PXN: variants seen among roughly 807,000 people sequenced by gnomAD.
The protein encoded by PXN is testicular tissue protein Li 134.
Under a neutral mutation model 103.6 loss-of-function variants are expected in PXN, and 61 were observed. The ratio of observed to expected loss-of-function variants is 0.59; its 90% confidence interval spans 0.48 to 0.73. PXN has a LOEUF of 0.73. PXN is among the 30% of genes least tolerant of loss of function. PXN has a pLI of 0.00. For missense variants in PXN, 1,274 were observed against 1,460.3 expected (o/e 0.87, Z 2.08); for synonymous variants, 562 against 607.8 (o/e 0.92, Z 1.11).
intron 1 of PXN, among the ~76,000 whole-genome samples, chr12:120,233,196 C>T (rs979134771): frequency 6.6e-6 from 1 of 152,180 alleles, no homozygotes; most frequent in African/African-American, 2.4e-5. Flanking sequence ...GGCACCCAGC[C>T]TTTTTGGGGC....
chr12:120,245,234 G>A (rs966598103), intron 1 of PXN, among the ~76,000 whole-genome samples: 4 of 152,086 alleles, frequency 2.6e-5, no homozygotes, highest in Admixed American at 1.3e-4. Context: ...GTGCACCACC[G>A]GAATGTGTCA....
At position 120,215,499 on chromosome 12, in the gene PXN, G is replaced by A; in HGVS notation, c.2403+61C>T. The A allele has an allele frequency of 7.9e-6, 12 of 1,518,172 alleles. No homozygotes were observed. In the South Asian group the frequency reaches 1.4e-4, roughly 18 times the overall value. The allele number at this position is 1,518,172 out of a possible 1,614,324, so 94.0% of individuals were successfully genotyped here. The stretch of plus-strand genomic sequence containing the variant: ...CGGAAAGGCTGAGGGCACCCAGCAG[G>A]CATGGCCAAGCCCAGGGAGAGCACG... On this transcript the variant is annotated intron_variant, in intron 10 of 14. Transcript: ENST00000637617. This position sits in a 1 kb window ranked among gnomAD's most constrained non-coding sequence, Gnocchi z 4.9.
chr12:120,263,362 C>T (rs545231023), intron 1 of PXN, among the ~76,000 whole-genome samples: 6 of 152,290 alleles, frequency 3.9e-5, no homozygotes, highest in Non-Finnish European at 8.8e-5. Context: ...CCAAGGAAGT[C>T]GGGCAGCCCG....
intron 1 of PXN, among the ~76,000 whole-genome samples, chr12:120,245,787 C>CAA (rs1267541953): frequency 3.1e-4 from 14 of 45,056 alleles, no homozygotes; most frequent in African/African-American, 5.1e-4. Flanking sequence ...GACTCCATCT[C>CAA]AAAAAAAAAA....
In PXN at chr12:120,224,443, C is replaced by T; in HGVS notation, c.14-66G>A. Reference sequence around the variant, plus strand: ...CCTGGGGACTCTCCCGTGGCAGGGCCCTCCCTGCCTGCACCTCAAGAGTTA... The same window carrying T: ...CCTGGGGACTCTCCCGTGGCAGGGCTCTCCCTGCCTGCACCTCAAGAGTTA... On this transcript the variant is annotated intron_variant, in intron 1 of 14. Transcript: ENST00000637617. This position sits in a 1 kb window ranked among gnomAD's most constrained non-coding sequence, Gnocchi z 5.0. 8.8e-7 allele frequency: 1 copy of T among 1,134,520 alleles called. No homozygotes were observed. The highest frequency in any genetic ancestry group is 1.3e-6 in the Non-Finnish European group (1 of 745,812). The allele number at this position is 1,134,520 out of a possible 1,614,324, so 70.3% of individuals were successfully genotyped here. A position where few individuals can be genotyped will look rare whatever the true frequency, so the allele number is the denominator to read the frequency against.
rs565190907 is a variant in PXN at position 120,258,065 on chromosome 12, C to T, written c.13+7552G>A. Reference sequence around the variant, plus strand: ...AAAATTAGTCAGGCGTGATGACGCACGCCCATAATCCTAGCTACTGCGGAG... The same window carrying T: ...AAAATTAGTCAGGCGTGATGACGCATGCCCATAATCCTAGCTACTGCGGAG... On this transcript the variant is annotated intron_variant, in intron 1 of 14. Coordinates refer to ENST00000637617, the MANE Select transcript of PXN (RefSeq NM_001385981.1). Among the ~76,000 whole-genome samples, 20 of 152,172 alleles carry T rather than the reference C, an allele frequency of 1.3e-4. No individual in the cohort carries two copies. In the South Asian group the frequency reaches 3.1e-3, roughly 24 times the overall value.
Position 120,215,479 on chromosome 12 carries a change from A to G in PXN, c.2403+81T>C, listed in dbSNP as rs1882506067. On this transcript the variant is annotated intron_variant, in intron 10 of 14. Coordinates refer to ENST00000637617, the MANE Select transcript of PXN (RefSeq NM_001385981.1). This position sits in a 1 kb window ranked among gnomAD's most constrained non-coding sequence, Gnocchi z 4.9. Reference sequence around the variant, plus strand: ...TCGGAGGGGCCCACCAGGGTCGGAAAGGCTGAGGGCACCCAGCAGGCATGG... The same window carrying G: ...TCGGAGGGGCCCACCAGGGTCGGAAGGGCTGAGGGCACCCAGCAGGCATGG... The G allele has an allele frequency of 3.3e-6, 5 of 1,499,268 alleles. No homozygotes were observed. The highest frequency in any genetic ancestry group is 4.4e-6 in the Non-Finnish European group (5 of 1,128,536). 92.9% of individuals were successfully genotyped at this position (1,499,268 alleles called of 1,614,324 possible).
intron 1 of PXN, among the ~76,000 whole-genome samples, chr12:120,252,349 A>C (rs1347430239): frequency 2.0e-5 from 3 of 152,164 alleles, no homozygotes. Context: ...AAGAAAGCCT[A>C]ATTTACACAG....
intron 1 of PXN, among the ~76,000 whole-genome samples, chr12:120,239,014 T>C (rs1889656956): frequency 1.3e-5 from 2 of 152,324 alleles, no homozygotes; most frequent in East Asian, 3.9e-4. Flanking sequence ...GGAACCAAAC[T>C]GTCGGGTGGG....
At chr12:120,223,986 TTGGTCAC>T (rs775276592) in intron 2 of PXN, among the ~76,000 whole-genome samples, 153 bp from the exon 3 acceptor site, 7 of 152,164 alleles carry the variant, frequency 4.6e-5, no homozygotes, top group Non-Finnish European at 8.8e-5. Context: ...GATTAACCAC[TTGGTCAC>T]TGTTCCACTC....
At chr12:120,247,884 A>G (rs1181980430) in intron 1 of PXN, 2 of 152,272 alleles carry the variant, frequency 1.3e-5, no homozygotes, top group Non-Finnish European at 2.9e-5. Context: ...CAGGCAAGGC[A>G]GACTTCCAGA....
In PXN at chr12:120,216,525, A is replaced by G. The variant is rs1883072145; in HGVS notation, c.2049T>C (p.Ala683=). 1 of 1,403,650 alleles carries G rather than the reference A, an allele frequency of 7.1e-7. No homozygotes were observed. Among genetic ancestry groups the G allele is most frequent in the South Asian group, 1.6e-5 (1 of 63,604 alleles). The allele number at this position is 1,403,650 out of a possible 1,614,324, so 86.9% of individuals were successfully genotyped here. ...IPLRRTISVL[A]SPSVPLLQHR... ...GCTGGAGCAAAGGGACAGAAGGAGA[A>G]GCCAGGACAGAGATGGTTCTTCTCA... Residue 683 remains alanine (A), a synonymous_variant, in exon 9 of 15, where the codon GCT becomes GCC. Coordinates refer to ENST00000637617, the MANE Select transcript of PXN (RefSeq NM_001385981.1). This position sits in a 1 kb window ranked among gnomAD's most constrained non-coding sequence, Gnocchi z 5.1.
At chr12:120,249,774 A>G in intron 1 of PXN, 1 of 841,942 alleles carries the variant, frequency 1.2e-6, no homozygotes, top group Non-Finnish European at 1.4e-6. Flanking sequence ...CCAAAGAGAG[A>G]GAAGGGGGAG....
intron 1 of PXN, among the ~76,000 whole-genome samples, chr12:120,249,389 C>A (rs1330872831): frequency 1.3e-5 from 2 of 152,006 alleles, no homozygotes; most frequent in African/African-American, 4.8e-5. Context: ...ACTGATAATA[C>A]CCAACAGGCC....
At chr12:120,245,558 T>C (rs1171636673) in intron 1 of PXN, among the ~76,000 whole-genome samples, 2 of 150,352 alleles carry the variant, frequency 1.3e-5, no homozygotes, top group East Asian at 3.9e-4. Context: ...GAGGCCGAGG[T>C]GGGTGGATCA....
chr12:120,222,521 A>C lies in PXN; in HGVS notation c.695+28T>G, dbSNP rs1594395304. The C allele has an allele frequency of 6.4e-7, 1 of 1,565,320 alleles. No homozygotes were observed. ...GGGCAGGCTGGGCCAGCCCTTCCCC[A>C]CCTGGGGAGGGCCCAGTGGGTACTC... On this transcript the variant is annotated intron_variant, in intron 5 of 14. Coordinates refer to ENST00000637617, the MANE Select transcript of PXN (RefSeq NM_001385981.1). This position sits in a 1 kb window ranked among gnomAD's most constrained non-coding sequence, Gnocchi z 4.7.
intron 1 of PXN, among the ~76,000 whole-genome samples, chr12:120,246,826 G>A (rs1238439489): frequency 4.0e-5 from 6 of 150,188 alleles, no homozygotes; most frequent in African/African-American, 1.5e-4. Context: ...CTGCACTCCA[G>A]CCTGGGCAAT....
At chr12:120,244,440 A>T (rs567824774) in intron 1 of PXN, among the ~76,000 whole-genome samples, 3 of 151,744 alleles carry the variant, frequency 2.0e-5, no homozygotes, top group Admixed American at 6.6e-5. Context: ...AGGTCAGGAG[A>T]TCGAGACCAT....
In PXN at chr12:120,214,781, C is replaced by T. The variant is rs754014591; in HGVS notation, c.2748+44G>A. Reference sequence around the variant, plus strand: ...GCATCCTCAGAGGGCTGCGGTGAAGCTGGAATGAGCGGAAGCGGGCGCGGT... The same window carrying T: ...GCATCCTCAGAGGGCTGCGGTGAAGTTGGAATGAGCGGAAGCGGGCGCGGT... On this transcript the variant is annotated intron_variant, in intron 12 of 14. Coordinates refer to ENST00000637617, the MANE Select transcript of PXN (RefSeq NM_001385981.1). The surrounding 1 kb of genome is among the most constrained non-coding windows in gnomAD (Gnocchi z 5.0). 6.8e-6 allele frequency: 11 copies of T among 1,607,570 alleles called. No homozygotes were observed. The African/African-American group carries it at 1.3e-4, about 20-fold the overall frequency.
Sources: gnomAD v4.1 joint callset for allele counts (sites outside exome capture counted in the v4.1 genomes callset) on GRCh38, gnomAD v4.1.1 for gene constraint, Gnocchi (gnomAD v3.1) non-coding constraint, MANE v1.5 for transcripts, NCBI Gene and HGNC (gene_info 2026-07-23, HGNC 2026-07-21) for gene names.